RASSF5: variants seen among roughly 807,000 people sequenced by gnomAD.
The protein encoded by RASSF5 is ras association domain-containing protein 5.
RASSF5 carries 25 observed loss-of-function variants against 40.5 expected under a neutral mutation model. The observed-to-expected ratio is 0.62, with a 90% CI of 0.45 to 0.86. The LOEUF (loss-of-function observed/expected upper bound fraction) is 0.86. Among genes scored for constraint, RASSF5 ranks in the 40% least tolerant of loss-of-function variants. RASSF5 has a pLI of 0.00. For missense variants in RASSF5, 521 were observed against 572.8 expected, an observed-to-expected ratio of 0.91 and a Z score of 0.92; for synonymous variants, 246 against 252.4, an observed-to-expected ratio of 0.97 and a Z score of 0.24.
At chr1:206,573,235 C>T (rs1553404549) in intron 2 of RASSF5, among the ~76,000 whole-genome samples, 2 of 151,808 alleles carry the variant, frequency 1.3e-5, no homozygotes, top group Non-Finnish European at 2.9e-5. Context: ...CCGAGGTGGG[C>T]GGACTGCTTG....
intron 2 of RASSF5, chr1:206,557,200 A>T (rs1668013727): frequency 9.6e-7 from 1 of 1,039,760 alleles, no homozygotes. Flanking sequence ...AAGGCGCGGG[A>T]GGCGGGGGAG....
At chr1:206,523,701 A>G (rs1213181562) in intron 1 of RASSF5, among the ~76,000 whole-genome samples, 1 of 79,230 alleles carries the variant, frequency 1.3e-5, no homozygotes, top group Non-Finnish European at 2.1e-5. Flanking sequence ...TATATAATAT[A>G]TTTATATATT....
At chr1:206,544,186 A>G (rs1248819453) in intron 2 of RASSF5, 1 of 152,140 alleles carries the variant, frequency 6.6e-6, no homozygotes, top group Non-Finnish European at 1.5e-5. Context: ...CAAGCCTCTT[A>G]GTTTCTTTGA....
chr1:206,553,660 T>A (rs11119030), intron 2 of RASSF5, among the ~76,000 whole-genome samples: 43,115 of 152,018 alleles, frequency 0.28, 6,556 homozygotes, highest in East Asian at 0.52. Flanking sequence ...GTGTGGTTGA[T>A]ACCAGTGGCA....
intron 1 of RASSF5, among the ~76,000 whole-genome samples, chr1:206,526,479 T>C (rs1667100979): frequency 2.0e-5 from 3 of 152,192 alleles, no homozygotes; most frequent in Admixed American, 2.0e-4. Flanking sequence ...GCAGATGTCC[T>C]GACCTGGCTG....
At chr1:206,541,173 G>C (rs1219217742) in intron 2 of RASSF5, among the ~76,000 whole-genome samples, 1 of 152,222 alleles carries the variant, frequency 6.6e-6, no homozygotes, top group Non-Finnish European at 1.5e-5. Flanking sequence ...GGGATTACAG[G>C]TGTGAGCCAC....
chr1:206,554,945 G>A (rs1667942603), intron 2 of RASSF5, among the ~76,000 whole-genome samples: 1 of 152,194 alleles, frequency 6.6e-6, no homozygotes, highest in South Asian at 2.1e-4. Context: ...GACAGGGTAG[G>A]GAAAGAGACA....
chr1:206,548,546 G>A (rs1216446080), intron 2 of RASSF5, among the ~76,000 whole-genome samples: 1 of 152,174 alleles, frequency 6.6e-6, no homozygotes, highest in Non-Finnish European at 1.5e-5. Context: ...TCTAACATGA[G>A]GGGTCAGATT....
At position 206,535,130 on chromosome 1, in the gene RASSF5, G is replaced by A. The variant is rs1194163898; in HGVS notation, c.458-3042G>A. Among the ~76,000 whole-genome samples the A allele has an allele frequency of 6.6e-6, 1 of 152,216 alleles. No homozygotes were observed. The highest frequency in any genetic ancestry group is 1.5e-5 in the Non-Finnish European group (1 of 68,034). ...ACTCAGGAGACTGAGGTGAGCCCGG[G>A]AGGTGGAGTTTGCAGAGAGCCACGA... is the stretch of plus-strand genomic sequence containing the variant. On this transcript the variant is annotated intron_variant, in intron 1 of 5. Coordinates refer to ENST00000579436, the MANE Select transcript of RASSF5 (RefSeq NM_182663.4). This position sits in a 1 kb window ranked among gnomAD's most constrained non-coding sequence, Gnocchi z 5.0.
chr1:206,521,220 G>C (rs1001593494), intron 1 of RASSF5, among the ~76,000 whole-genome samples: 2 of 152,200 alleles, frequency 1.3e-5, no homozygotes, highest in Admixed American at 6.5e-5. Context: ...GAAGTCTCTG[G>C]TGGTCCTGGC....
intron 1 of RASSF5, among the ~76,000 whole-genome samples, chr1:206,508,313 C>T (rs1553394162): frequency 6.7e-6 from 1 of 148,870 alleles, no homozygotes; most frequent in African/African-American, 2.5e-5. Context: ...AGGTGCGTGC[C>T]TTGGCCCTCC....
intron 2 of RASSF5, among the ~76,000 whole-genome samples, chr1:206,574,592 C>T (rs1158530944): frequency 6.6e-6 from 1 of 152,170 alleles, no homozygotes; most frequent in African/African-American, 2.4e-5. Flanking sequence ...GCAGAAGCTC[C>T]ATGATAAAGC....
intron 1 of RASSF5, among the ~76,000 whole-genome samples, chr1:206,537,432 T>C (rs868936219): frequency 1.3e-5 from 2 of 152,342 alleles, no homozygotes; most frequent in Non-Finnish European, 2.9e-5. Context: ...ATAATGCCTT[T>C]GTCTCTGGAA....
Position 206,584,826 on chromosome 1 carries a change from A to G in RASSF5, c.988+142A>G. On this transcript the variant is annotated intron_variant, in intron 4 of 5. Transcript: ENST00000579436. This position sits in a 1 kb window ranked among gnomAD's most constrained non-coding sequence, Gnocchi z 4.9. ...GTCCAGCTGCCCATGTGGTGTTCAG[A>G]TCTGTGGAATCCGGGCAGGGAGGCA... 1 of 855,876 alleles carries G rather than the reference A, an allele frequency of 1.2e-6. No homozygotes were observed. The highest frequency in any genetic ancestry group is 1.8e-6 in the Non-Finnish European group (1 of 557,278). The allele number at this position is 855,876 out of a possible 1,614,324, so 53.0% of individuals were successfully genotyped here. A position where few individuals can be genotyped will look rare whatever the true frequency, so the allele number is the denominator to read the frequency against.
intron 4 of RASSF5, 91 bp from the exon 5 acceptor site, chr1:206,585,089 C>T: frequency 1.1e-6 from 1 of 888,268 alleles, no homozygotes; most frequent in South Asian, 1.5e-5. Context: ...TTGTACGTAC[C>T]CCACCTCTGC....
At chr1:206,538,858 T>C (rs1051287993) in intron 2 of RASSF5, among the ~76,000 whole-genome samples, 1 of 152,252 alleles carries the variant, frequency 6.6e-6, no homozygotes, top group Non-Finnish European at 1.5e-5. Flanking sequence ...GCTTCTTGCA[T>C]TGAACAAGCA....
chr1:206,507,628 G>A lies in RASSF5; in HGVS notation c.26G>A (p.Gly9Glu). The change falls in exon 1 of 6, where the codon GGG (glycine) becomes GAG (glutamate). Residue 9 changes from glycine (G) to glutamate (E), a missense_variant. Physicochemically the swap from Gly to Glu is moderately conservative, Grantham distance 98 (BLOSUM62 -2). This residue lies in a region of RASSF5 where 237 missense variants were observed against 212.0 expected (regional missense o/e 1.12). Coordinates refer to ENST00000579436, the MANE Select transcript of RASSF5 (RefSeq NM_182663.4). MAMASPAI[G>E]QRPYPLLLDP... ...ATGGCCATGGCGTCCCCGGCCATCG[G>A]GCAGCGCCCGTACCCGCTACTATTG... 6.5e-7 allele frequency: 1 copy of A among 1,527,446 alleles called. No individual in the cohort carries two copies. Among genetic ancestry groups the A allele is most frequent in the East Asian group, 2.8e-5 (1 of 36,108 alleles). The allele number at this position is 1,527,446 out of a possible 1,614,324, so 94.6% of individuals were successfully genotyped here.
intron 2 of RASSF5, among the ~76,000 whole-genome samples, chr1:206,563,618 T>G (rs1430806628): frequency 2.2e-4 from 33 of 152,238 alleles, no homozygotes; most frequent in African/African-American, 7.5e-4. Context: ...TACTGGCTCC[T>G]GAATCTTTGG....
At chr1:206,524,360 T>G (rs2103511110) in intron 1 of RASSF5, among the ~76,000 whole-genome samples, 1 of 140,584 alleles carries the variant, frequency 7.1e-6, no homozygotes, top group South Asian at 2.1e-4. Flanking sequence ...ATATATATTA[T>G]AGATACCATA....
Sources: allele counts gnomAD v4.1 joint callset (sites outside exome capture counted in the v4.1 genomes callset), GRCh38; gene constraint gnomAD v4.1.1; regional missense constraint gnomAD v4.1.1; non-coding constraint Gnocchi (gnomAD v3.1); transcripts MANE v1.5; gene names NCBI Gene and HGNC (gene_info 2026-07-23, HGNC 2026-07-21).